Variants in BACH2 observed in about 807,000 individuals in gnomAD.
The protein encoded by BACH2 is transcription regulator protein BACH2.
Under a neutral mutation model 61.8 loss-of-function variants are expected in BACH2, and 5 were observed. The ratio of observed to expected loss-of-function variants is 0.08; its 90% confidence interval spans 0.04 to 0.17. The LOEUF is 0.17. Among genes scored for constraint, BACH2 ranks in the 10% least tolerant of loss-of-function variants. The pLI is 1.00. For missense variants in BACH2, 824 were observed against 1,091.1 expected, an observed-to-expected ratio of 0.76 and a Z score of 3.45; for synonymous variants, 446 against 440.1, an observed-to-expected ratio of 1.01 and a Z score of -0.17.
intron 4 of BACH2, among the ~76,000 whole-genome samples, chr6:90,098,852 C>T (rs1244746218): frequency 1.3e-5 from 2 of 152,140 alleles, no homozygotes; most frequent in Non-Finnish European, 2.9e-5. Flanking sequence ...GTCCAACTGA[C>T]TGTCAACACG....
intron 4 of BACH2, among the ~76,000 whole-genome samples, chr6:90,165,850 G>T (rs182528342): frequency 1.3e-5 from 2 of 152,278 alleles, no homozygotes; most frequent in East Asian, 3.9e-4. Context: ...AAACTGGCTA[G>T]CCATTTGTAG....
chr6:90,061,875 G>C (rs1282545400), intron 5 of BACH2, among the ~76,000 whole-genome samples: 1 of 152,182 alleles, frequency 6.6e-6, no homozygotes, highest in African/African-American at 2.4e-5. Context: ...AGTGGTGTCA[G>C]AGACTTTAAT....
intron 3 of BACH2, among the ~76,000 whole-genome samples, chr6:90,214,819 T>C (rs768288467): frequency 8.0e-5 from 11 of 137,956 alleles, no homozygotes; most frequent in Non-Finnish European, 1.5e-4. Flanking sequence ...TGGAGTGGAG[T>C]GGTGCCATCT....
At chr6:90,269,590 A>G (rs911638579) in intron 2 of BACH2, among the ~76,000 whole-genome samples, 1 of 152,210 alleles carries the variant, frequency 6.6e-6, no homozygotes, top group African/African-American at 2.4e-5. Context: ...AGGGGTAACC[A>G]GCATCAAAAG....
intron 6 of BACH2, among the ~76,000 whole-genome samples, chr6:89,981,243 T>C (rs1481472356): frequency 1.3e-5 from 2 of 151,944 alleles, no homozygotes; most frequent in East Asian, 3.9e-4. Context: ...GTCATTCTCC[T>C]GTCTCAGCCT....
rs139023655 is a variant in BACH2 at position 89,950,450 on chromosome 6, C to A, written c.1656G>T (p.Gln552His). The part of the protein sequence containing the change: ...LCEFSSSPCS[Q>H]GARFLATEHQ... ...GTTCTGTGGCAAGGAATCTGGCTCC[C>A]TGGGAACAGGGCGAGGAGGAGAACT... Residue 552 changes from glutamine to histidine, a missense_variant, in exon 7 of 9, where the codon CAG (glutamine) becomes CAT (histidine). By Grantham distance (24) the Gln-to-His change is conservative. This residue lies in a region of BACH2 where 160 missense variants were observed against 283.5 expected (regional missense o/e 0.56). Coordinates refer to ENST00000257749, the MANE Select transcript of BACH2 (RefSeq NM_021813.4). This position sits in a 1 kb window ranked among gnomAD's most constrained non-coding sequence, Gnocchi z 5.3. The A allele has an allele frequency of 1.9e-5, 30 of 1,614,058 alleles. No homozygotes were observed. Among genetic ancestry groups the A allele is most frequent in the African/African-American group, 4.0e-5 (3 of 74,930 alleles).
Position 90,005,230 on chromosome 6 carries a change from C to T in BACH2, c.243+3372G>A, listed in dbSNP as rs74490142. 3.0e-3 allele frequency among the ~76,000 whole-genome samples: 452 copies of T among 152,010 alleles called. 13 individuals carry two copies. In the East Asian group the frequency reaches 0.077, roughly 26 times the overall value. On this transcript the variant is annotated intron_variant, in intron 6 of 8. Coordinates refer to ENST00000257749, the MANE Select transcript of BACH2 (RefSeq NM_021813.4). ...GGGGGGAGGAGTGGCAGTTTGTGTT[C>T]GGAAGTTTCAGGCTCCTAGGAGGAA...
chr6:90,266,466 C>T (rs1771333601), intron 2 of BACH2, among the ~76,000 whole-genome samples: 2 of 152,034 alleles, frequency 1.3e-5, no homozygotes, highest in Non-Finnish European at 2.9e-5. Context: ...TGCACATGGG[C>T]AATTGTTCAC....
chr6:90,249,395 T>C (rs1770734792), intron 3 of BACH2, among the ~76,000 whole-genome samples: 1 of 152,194 alleles, frequency 6.6e-6, no homozygotes, highest in Non-Finnish European at 1.5e-5. Context: ...AAGTAAACTT[T>C]GGCATAAGAC....
chr6:90,295,820 G>A (rs943706924), intron 1 of BACH2, among the ~76,000 whole-genome samples: 3 of 152,270 alleles, frequency 2.0e-5, no homozygotes, highest in African/African-American at 7.2e-5. Flanking sequence ...ATTCGATCCA[G>A]GTCTGCGCCG....
chr6:90,103,029 A>ATATATATATATATATATTTT, intron 4 of BACH2, among the ~76,000 whole-genome samples: 2 of 21,162 alleles, frequency 9.5e-5, no homozygotes, highest in African/African-American at 4.8e-4. Flanking sequence ...ATATATATAT[A>ATATATATATATATATATTTT]TTTTTTTTTT....
intron 5 of BACH2, among the ~76,000 whole-genome samples, chr6:90,081,868 T>C (rs1486502710): frequency 3.9e-5 from 6 of 152,134 alleles, no homozygotes; most frequent in Non-Finnish European, 7.4e-5. Flanking sequence ...AAGCCCTTCC[T>C]AACCTTGGCC....
chr6:90,052,877 T>A (rs1780122506), intron 5 of BACH2, among the ~76,000 whole-genome samples: 2 of 152,248 alleles, frequency 1.3e-5, no homozygotes, highest in South Asian at 4.1e-4. Context: ...ACTCTATTTT[T>A]TAGCCAGAAA....
intron 1 of BACH2, among the ~76,000 whole-genome samples, chr6:90,296,196 A>G (rs1772373649): frequency 1.3e-5 from 2 of 151,910 alleles, no homozygotes; most frequent in African/African-American, 4.8e-5. Context: ...CTTCGACGCC[A>G]GCAAAATACA....
At chr6:89,994,434 A>G (rs938889844) in intron 6 of BACH2, among the ~76,000 whole-genome samples, 2 of 152,240 alleles carry the variant, frequency 1.3e-5, no homozygotes, top group South Asian at 2.1e-4. Context: ...AAGGTCTTCT[A>G]ACTTTAAATT....
intron 3 of BACH2, among the ~76,000 whole-genome samples, chr6:90,216,121 C>A (rs1227396885): frequency 6.6e-6 from 1 of 152,190 alleles, no homozygotes; most frequent in African/African-American, 2.4e-5. Context: ...CAGCAAGCAG[C>A]CAAGAGAACA....
chr6:90,154,106 C>T (rs1192752877), intron 4 of BACH2, among the ~76,000 whole-genome samples: 1 of 152,092 alleles, frequency 6.6e-6, no homozygotes, highest in African/African-American at 2.4e-5. Context: ...GCCCAACTCC[C>T]TACTCAGAGA....
intron 3 of BACH2, among the ~76,000 whole-genome samples, chr6:90,239,502 A>G (rs1770366058): frequency 6.6e-6 from 1 of 152,216 alleles, no homozygotes; most frequent in East Asian, 1.9e-4. Context: ...CCCATGAAAC[A>G]TTAAAAGAAC....
chr6:89,946,773 G>T (rs1002283089), intron 7 of BACH2, among the ~76,000 whole-genome samples: 1 of 152,170 alleles, frequency 6.6e-6, no homozygotes, highest in Non-Finnish European at 1.5e-5. Flanking sequence ...TGTAGGCAAA[G>T]AGAAAGCCTG....
Sources: gnomAD v4.1 joint callset for allele counts (sites outside exome capture counted in the v4.1 genomes callset) on GRCh38, gnomAD v4.1.1 for gene constraint, gnomAD v4.1.1 regional missense constraint, Gnocchi (gnomAD v3.1) non-coding constraint, MANE v1.5 for transcripts, NCBI Gene and HGNC (gene_info 2026-07-23, HGNC 2026-07-21) for gene names.